PRKCH: variants seen among roughly 807,000 people sequenced by gnomAD.
The protein encoded by PRKCH is protein kinase C eta type.
Under a neutral mutation model 82.5 loss-of-function variants are expected in PRKCH, and 28 were observed. The ratio of observed to expected loss-of-function variants is 0.34; its 90% confidence interval spans 0.25 to 0.47. The LOEUF (loss-of-function observed/expected upper bound fraction) is 0.47, where lower values mean the gene tolerates loss of function less well. PRKCH is among the 20% of genes least tolerant of loss of function. The probability of loss-of-function intolerance (pLI) is 1.00; values close to 1 mark genes in which losing one functional copy is unlikely to be tolerated. For missense variants in PRKCH, 705 were observed against 881.8 expected (o/e 0.80, Z 2.54); for synonymous variants, 322 against 327.4 (o/e 0.98, Z 0.18).
intron 13 of PRKCH, among the ~76,000 whole-genome samples, chr14:61,549,339 A>C (rs2043298455): frequency 1.3e-5 from 2 of 152,248 alleles, no homozygotes; most frequent in Admixed American, 6.5e-5. Flanking sequence ...CACACCCCTC[A>C]GCGAGGCCTG....
At chr14:61,256,968 G>A (rs890201893) in intron 1 of PRKCH, among the ~76,000 whole-genome samples, 3 of 152,126 alleles carry the variant, frequency 2.0e-5, no homozygotes, top group Non-Finnish European at 2.9e-5. Context: ...ATCTTGGCCC[G>A]CCATGTCTCT....
intron 1 of PRKCH, among the ~76,000 whole-genome samples, chr14:61,312,565 T>A (rs539964699): frequency 3.7e-4 from 56 of 152,190 alleles, no homozygotes; most frequent in African/African-American, 1.1e-3. Flanking sequence ...TAATTTTTTT[T>A]AAAAAGAGGT....
chr14:61,441,366 T>G (rs1883963347), intron 2 of PRKCH, among the ~76,000 whole-genome samples: 1 of 152,100 alleles, frequency 6.6e-6, no homozygotes, highest in Non-Finnish European at 1.5e-5. Flanking sequence ...TGTGGTAGGG[T>G]CAGGACTGGA....
chr14:61,395,381 C>T (rs566322627), intron 2 of PRKCH, among the ~76,000 whole-genome samples: 6 of 148,126 alleles, frequency 4.1e-5, no homozygotes, highest in Non-Finnish European at 7.4e-5. Context: ...TCCTGGAAGC[C>T]ACCTTAGATT....
intron 10 of PRKCH, among the ~76,000 whole-genome samples, chr14:61,509,936 A>G (rs1385886788): frequency 2.0e-5 from 3 of 151,958 alleles, no homozygotes; most frequent in Non-Finnish European, 2.9e-5. Flanking sequence ...ACAAACAAAA[A>G]CAAACTATGA....
intron 2 of PRKCH, among the ~76,000 whole-genome samples, chr14:61,393,288 T>C (rs930726351): frequency 1.3e-5 from 2 of 152,228 alleles, no homozygotes; most frequent in Non-Finnish European, 2.9e-5. Context: ...AGTCAGCTTA[T>C]ATATTTCCAG....
intron 12 of PRKCH, among the ~76,000 whole-genome samples, chr14:61,531,395 G>A (rs898089801): frequency 1.2e-4 from 18 of 152,212 alleles, no homozygotes; most frequent in Non-Finnish European, 2.9e-5. Flanking sequence ...TATTCTGTTG[G>A]ATAGTATCTA....
At chr14:61,335,221 A>G (rs1281921439) in intron 1 of PRKCH, among the ~76,000 whole-genome samples, 1 of 152,084 alleles carries the variant, frequency 6.6e-6, no homozygotes, top group Non-Finnish European at 1.5e-5. Flanking sequence ...GGGGTAGGGT[A>G]TAGTCTTGTT....
At chr14:61,533,224 T>G (rs552556310) in intron 12 of PRKCH, among the ~76,000 whole-genome samples, 3 of 152,024 alleles carry the variant, frequency 2.0e-5, no homozygotes, top group Admixed American at 6.6e-5. Flanking sequence ...TTCTGTTTTT[T>G]CCTCCTTCAA....
At position 61,461,206 on chromosome 14, in the gene PRKCH, C is replaced by T. The variant is rs560749730; in HGVS notation, c.1278+3527C>T. On this transcript the variant is annotated intron_variant, in intron 9 of 13. Transcript: ENST00000332981. ...GGATTGGTCCTTGGTTCCCCTGGAG[C>T]TCCAGTTCTCCCTGCCCCACACTGC... Among the ~76,000 whole-genome samples, 15 of 152,274 alleles carry T rather than the reference C, an allele frequency of 9.9e-5. No homozygotes were observed. In the East Asian group the frequency reaches 2.9e-3, roughly 29 times the overall value.
chr14:61,519,521 A>T (rs1290995166), intron 10 of PRKCH, among the ~76,000 whole-genome samples: 1 of 152,148 alleles, frequency 6.6e-6, no homozygotes, highest in Non-Finnish European at 1.5e-5. Context: ...AGAGCCTCAG[A>T]AGAGCCTTGG....
chr14:61,423,937 G>A (rs1457883684), intron 2 of PRKCH, among the ~76,000 whole-genome samples: 1 of 152,196 alleles, frequency 6.6e-6, no homozygotes, highest in Non-Finnish European at 1.5e-5. Context: ...CTGGTGGGAG[G>A]TGATTGGATC....
chr14:61,428,038 T>C (rs376273498), intron 2 of PRKCH, among the ~76,000 whole-genome samples: 3 of 29,952 alleles, frequency 1.0e-4, no homozygotes, highest in Non-Finnish European at 8.4e-5. Flanking sequence ...CACAAATATA[T>C]ATATATAGAT....
Position 61,280,756 on chromosome 14 carries a change from G to T in PRKCH, c.-19+93088G>T, listed in dbSNP as rs766700581. On this transcript the variant is annotated intron_variant, in intron 1 of 3. Coordinates refer to the PRKCH transcript ENST00000555185. The surrounding 1 kb of genome is among the most constrained non-coding windows in gnomAD (Gnocchi z 5.0). ...CGCGCTGGGGAGTCCGCTCAGCTGC[G>T]CGTCGTCGCGGGACACGCCGTAGCG... is the stretch of plus-strand genomic sequence containing the variant. 1.3e-6 allele frequency: 2 copies of T among 1,561,164 alleles called. No individual in the cohort carries two copies. The highest frequency in any genetic ancestry group is 1.7e-6 in the Non-Finnish European group (2 of 1,161,234).
At chr14:61,264,242 A>G (rs892847928) in intron 1 of PRKCH, among the ~76,000 whole-genome samples, 1 of 152,040 alleles carries the variant, frequency 6.6e-6, no homozygotes, top group African/African-American at 2.4e-5. Context: ...AAGATTTTCC[A>G]TTTTTATGTT....
chr14:61,298,507 G>A (rs1007801813), intron 1 of PRKCH: 6 of 151,994 alleles, frequency 3.9e-5, no homozygotes, highest in African/African-American at 1.2e-4. Context: ...TCCACATCAC[G>A]ATCCCTAATC....
At chr14:61,399,577 GT>G (rs1176144496) in intron 2 of PRKCH, among the ~76,000 whole-genome samples, 1 of 152,156 alleles carries the variant, frequency 6.6e-6, no homozygotes, top group Non-Finnish European at 1.5e-5. Flanking sequence ...AATTCCTTTT[GT>G]TCCGTCATAA....
intron 1 of PRKCH, among the ~76,000 whole-genome samples, chr14:61,196,951 G>C (rs1195993185): frequency 4.6e-5 from 7 of 152,116 alleles, no homozygotes; most frequent in Non-Finnish European, 1.0e-4. Flanking sequence ...CTCAGACATA[G>C]GGACATTATT....
chr14:61,412,022 TA>T (rs911356963), intron 2 of PRKCH, among the ~76,000 whole-genome samples: 1 of 152,192 alleles, frequency 6.6e-6, no homozygotes. Flanking sequence ...GCTTTAAATC[TA>T]AAAAGCAAGA....
Sources: gnomAD v4.1 joint callset for allele counts (sites outside exome capture counted in the v4.1 genomes callset) on GRCh38, gnomAD v4.1.1 for gene constraint, Gnocchi (gnomAD v3.1) non-coding constraint, MANE v1.5 for transcripts, NCBI Gene and HGNC (gene_info 2026-07-23, HGNC 2026-07-21) for gene names.